The following GALNT14 variants were observed in gnomAD, a reference collection of about 807,000 sequenced individuals.
GALNT14 encodes polypeptide N-acetylgalactosaminyltransferase 14.
GALNT14 carries 60 observed loss-of-function variants against 77.5 expected under a neutral mutation model. The ratio of observed to expected loss-of-function variants is 0.77; its 90% CI spans 0.63 to 0.96. The LOEUF is 0.96. GALNT14 is among the 40% of genes least tolerant of loss of function. The probability of loss-of-function intolerance (pLI) is 0.00; values close to 1 mark genes in which losing one functional copy is unlikely to be tolerated. For synonymous variants in GALNT14, 280 were observed against 281.7 expected (o/e 0.99, Z 0.06); for missense variants, 710 against 731.0 (o/e 0.97, Z 0.33).
chr2:30,978,295 C>G (rs1387579958), intron 2 of GALNT14, among the ~76,000 whole-genome samples: 1 of 152,258 alleles, frequency 6.6e-6, no homozygotes, highest in Non-Finnish European at 1.5e-5. Flanking sequence ...ACATGGCCGC[C>G]TGGTATGACT....
intron 1 of GALNT14, among the ~76,000 whole-genome samples, chr2:31,068,495 A>C: frequency 7.3e-6 from 1 of 137,724 alleles, no homozygotes; most frequent in Non-Finnish European, 1.5e-5. Flanking sequence ...GTGACAAAGC[A>C]AGACCCCGTC....
In GALNT14 at chr2:30,945,807, C is replaced by G. The variant is rs540890299; in HGVS notation, c.718G>C (p.Glu240Gln). The G allele has an allele frequency of 6.2e-7, 1 of 1,614,102 alleles. No individual in the cohort carries two copies. Reference protein sequence around the residue: ...IINLDTFTYIESASELRGGFD... With the variant: ...IINLDTFTYIQSASELRGGFD... Reference sequence around the variant, plus strand: ...CCCCCTCTGAGCTCCGAGGCAGACTCGATGTAGGTGAAGGTGTCCAGGTTA... The same window carrying G: ...CCCCCTCTGAGCTCCGAGGCAGACTGGATGTAGGTGAAGGTGTCCAGGTTA... The change falls in exon 7 of 15, where the codon GAG becomes CAG. Residue 240 changes from glutamate to glutamine, a missense_variant. Physicochemically the swap from Glu to Gln is conservative, Grantham distance 29 (BLOSUM62 2). Transcript: ENST00000349752.
At chr2:31,011,571 G>A (rs2148442040) in intron 1 of GALNT14, among the ~76,000 whole-genome samples, 1 of 152,250 alleles carries the variant, frequency 6.6e-6, no homozygotes. Flanking sequence ...CTGCTCACAG[G>A]ATCTAGGATC....
At chr2:31,110,318 C>A (rs1253193462) in intron 1 of GALNT14, among the ~76,000 whole-genome samples, 1 of 152,170 alleles carries the variant, frequency 6.6e-6, no homozygotes, top group East Asian at 1.9e-4. Context: ...ATGGTTGTCC[C>A]ACCTGTAGAC....
intron 2 of GALNT14, among the ~76,000 whole-genome samples, chr2:30,970,615 C>T (rs1668290312): frequency 6.6e-6 from 1 of 152,042 alleles, no homozygotes; most frequent in Admixed American, 6.5e-5. Flanking sequence ...TAAACTGGGC[C>T]CACCTTACTG....
At chr2:31,049,597 G>A (rs926606661) in intron 1 of GALNT14, among the ~76,000 whole-genome samples, 5 of 152,242 alleles carry the variant, frequency 3.3e-5, no homozygotes, top group Non-Finnish European at 5.9e-5. Context: ...GGAGGTCAGA[G>A]GTTGGGGGAG....
Position 30,942,304 on chromosome 2 carries a change from C to T in GALNT14, c.828G>A (p.Arg276=), listed in dbSNP as rs1299877139. 2.5e-6 allele frequency: 4 copies of T among 1,612,220 alleles called. No individual in the cohort carries two copies. The highest frequency in any genetic ancestry group is 3.4e-6 in the Non-Finnish European group (4 of 1,178,444). ...AGAGCCCTCCAGCTATGATAGGAGT[C>T]CTGTGCATTTGGAAGAAAAAGAGAG... ...ARRLDPTEPI[R]TPIIAGGLFV... The change falls in exon 9 of 15, where the codon AGG becomes AGA. Residue 276 remains arginine, a splice_region_variant and synonymous_variant. Transcript: ENST00000349752.
At chr2:30,948,815 C>A (rs775524358) in intron 6 of GALNT14, among the ~76,000 whole-genome samples, 6 of 152,166 alleles carry the variant, frequency 3.9e-5, no homozygotes, top group Non-Finnish European at 7.4e-5. Context: ...CCCCAGACTG[C>A]AATCCTGTTT....
At chr2:31,061,159 T>A (rs1674567154) in intron 1 of GALNT14, among the ~76,000 whole-genome samples, 1 of 152,126 alleles carries the variant, frequency 6.6e-6, no homozygotes. Flanking sequence ...TTGGATGACC[T>A]ATAGATGCCT....
At chr2:30,973,230 G>T (rs750658557) in intron 2 of GALNT14, among the ~76,000 whole-genome samples, 1 of 152,178 alleles carries the variant, frequency 6.6e-6, no homozygotes, top group Non-Finnish European at 1.5e-5. Context: ...CCCAGGTGCA[G>T]GTGGCGTAGG....
chr2:30,989,399 G>A (rs551772968), intron 2 of GALNT14, among the ~76,000 whole-genome samples: 7 of 151,476 alleles, frequency 4.6e-5, no homozygotes, highest in African/African-American at 1.2e-4. Context: ...TGTGTGCTCC[G>A]TTTGGGGGTT....
At chr2:30,908,780 G>C (rs1188893122), downstream of GALNT14, among the ~76,000 whole-genome samples, 3 of 139,942 alleles carry the variant, frequency 2.1e-5, no homozygotes, top group African/African-American at 8.6e-5. Flanking sequence ...AACAAAGCTG[G>C]AGGCATCACG....
At chr2:31,047,593 C>T (rs904537390) in intron 1 of GALNT14, among the ~76,000 whole-genome samples, 11 of 152,196 alleles carry the variant, frequency 7.2e-5, no homozygotes, top group African/African-American at 2.7e-4. Context: ...AGTCTCCCTT[C>T]CAGACCCAAA....
chr2:31,035,604 CACACACACACACCT>C (rs1228370122), intron 1 of GALNT14, among the ~76,000 whole-genome samples: 5,585 of 54,762 alleles, frequency 0.1, 193 homozygotes, highest in East Asian at 0.24. Flanking sequence ...TACATATACA[CACACACACACACCT>C]ACACACACAC....
chr2:30,912,485 T>G, intron 13 of GALNT14, 143 bp from the exon 14 acceptor site: 1 of 934,642 alleles, frequency 1.1e-6, no homozygotes, highest in South Asian at 1.7e-5. Flanking sequence ...CAAGGTTACC[T>G]TGGAAAATGC....
intron 1 of GALNT14, among the ~76,000 whole-genome samples, chr2:31,037,279 C>A (rs1332284470): frequency 6.6e-6 from 1 of 152,138 alleles, no homozygotes; most frequent in African/African-American, 2.4e-5. Context: ...CTCTAGTGAA[C>A]TTTTCATTTC....
intron 1 of GALNT14, among the ~76,000 whole-genome samples, chr2:31,052,221 G>C (rs532170623): frequency 1.1e-3 from 163 of 152,264 alleles, no homozygotes; most frequent in African/African-American, 3.6e-3. Context: ...GGGGTCCAGA[G>C]ATCTAAGCTG....
intron 1 of GALNT14, among the ~76,000 whole-genome samples, chr2:31,105,386 G>T (rs1677504606): frequency 1.3e-5 from 2 of 151,984 alleles, no homozygotes; most frequent in African/African-American, 4.8e-5. Context: ...TACTTTTTCT[G>T]CCCTATCCCT....
chr2:31,115,492 T>G (rs1335652161), intron 1 of GALNT14, among the ~76,000 whole-genome samples: 3 of 152,198 alleles, frequency 2.0e-5, no homozygotes, highest in Non-Finnish European at 4.4e-5. Context: ...AGAGGTGTGA[T>G]GAACCTTGCA....
Sources: gnomAD v4.1 joint callset for allele counts (sites outside exome capture counted in the v4.1 genomes callset) on GRCh38, gnomAD v4.1.1 for gene constraint, MANE v1.5 for transcripts, NCBI Gene and HGNC (gene_info 2026-07-23, HGNC 2026-07-21) for gene names.